Variants in BACH2 observed in about 807,000 individuals in gnomAD.
The protein encoded by BACH2 is transcription regulator protein BACH2.
Under a neutral mutation model 61.8 loss-of-function variants are expected in BACH2, and 5 were observed. The ratio of observed to expected loss-of-function variants is 0.08; its 90% CI spans 0.04 to 0.17. The LOEUF is 0.17. Ranked by LOEUF, BACH2 falls within the 10% of genes least tolerant of loss-of-function variation. The probability of loss-of-function intolerance (pLI) is 1.00; values close to 1 mark genes in which losing one functional copy is unlikely to be tolerated. For synonymous variants in BACH2, 446 were observed against 440.1 expected (o/e 1.01, Z -0.17); for missense variants, 824 against 1,091.1 (o/e 0.76, Z 3.45).
At chr6:89,981,354 G>C (rs2128363113) in intron 6 of BACH2, among the ~76,000 whole-genome samples, 1 of 152,100 alleles carries the variant, frequency 6.6e-6, no homozygotes, top group Non-Finnish European at 1.5e-5. Context: ...TGTTAGCCAG[G>C]ATGGTATCGA....
chr6:90,183,597 C>T (rs1469124696), intron 4 of BACH2, among the ~76,000 whole-genome samples: 1 of 152,186 alleles, frequency 6.6e-6, no homozygotes, highest in Non-Finnish European at 1.5e-5. Flanking sequence ...GCAGGAAAAG[C>T]ATTTGGCAAA....
intron 2 of BACH2, among the ~76,000 whole-genome samples, chr6:90,258,772 C>T (rs1218838347): frequency 6.6e-6 from 1 of 152,018 alleles, no homozygotes; most frequent in East Asian, 1.9e-4. Flanking sequence ...ACACATCTTT[C>T]ACATTGGTTG....
chr6:90,147,926 T>C (rs946230498), intron 4 of BACH2, among the ~76,000 whole-genome samples: 1 of 152,084 alleles, frequency 6.6e-6, no homozygotes, highest in Non-Finnish European at 1.5e-5. Flanking sequence ...ACATGCCAAA[T>C]TAAAACATTA....
At chr6:90,291,907 T>C (rs548066419) in intron 1 of BACH2, among the ~76,000 whole-genome samples, 3 of 152,340 alleles carry the variant, frequency 2.0e-5, no homozygotes, top group African/African-American at 4.8e-5. Context: ...ACTTCTGAAC[T>C]GTGAGTACCT....
At chr6:90,129,407 G>A (rs925096460) in intron 4 of BACH2, among the ~76,000 whole-genome samples, 6 of 152,082 alleles carry the variant, frequency 3.9e-5, no homozygotes, top group Admixed American at 2.6e-4. Flanking sequence ...GTGCCATGGC[G>A]GTTTGCTGCA....
At chr6:90,216,943 G>A (rs1008662496) in intron 3 of BACH2, among the ~76,000 whole-genome samples, 6 of 152,150 alleles carry the variant, frequency 3.9e-5, no homozygotes, top group African/African-American at 1.4e-4. Context: ...CTGAGATTGG[G>A]AAATCCTGAC....
At chr6:90,233,568 G>A (rs1373630690) in intron 3 of BACH2, among the ~76,000 whole-genome samples, 1 of 152,178 alleles carries the variant, frequency 6.6e-6, no homozygotes, top group Non-Finnish European at 1.5e-5. Context: ...TACCTCGCCT[G>A]ACAATTGGGA....
chr6:90,113,339 G>C (rs539561288), intron 4 of BACH2, among the ~76,000 whole-genome samples: 21 of 152,160 alleles, frequency 1.4e-4, no homozygotes, highest in African/African-American at 5.1e-4. Context: ...CTCTAAAATA[G>C]ACCACATAAT....
At chr6:90,096,441 CAT>C (rs760769483) in intron 4 of BACH2, among the ~76,000 whole-genome samples, 14 of 152,208 alleles carry the variant, frequency 9.2e-5, no homozygotes, top group South Asian at 2.1e-4. Flanking sequence ...CCAAAATCCA[CAT>C]GTTTATTTAC....
chr6:89,972,557 T>C (rs1393479638), intron 6 of BACH2, among the ~76,000 whole-genome samples: 1 of 152,212 alleles, frequency 6.6e-6, no homozygotes, highest in Non-Finnish European at 1.5e-5. Context: ...AGGAATTATG[T>C]ACAGGTTCCC....
intron 1 of BACH2, among the ~76,000 whole-genome samples, chr6:90,279,778 C>A (rs1462714201): frequency 5.3e-5 from 8 of 152,096 alleles, no homozygotes; most frequent in Admixed American, 3.3e-4. Context: ...TATTTTAAGT[C>A]ATTTAAGAAC....
intron 5 of BACH2, among the ~76,000 whole-genome samples, chr6:90,048,613 T>C (rs1470161927): frequency 1.3e-5 from 2 of 152,226 alleles, no homozygotes. Flanking sequence ...GAGGTAAACA[T>C]TTCTAAAATG....
intron 4 of BACH2, among the ~76,000 whole-genome samples, chr6:90,094,997 T>C (rs984917927): frequency 6.6e-5 from 10 of 152,226 alleles, no homozygotes; most frequent in African/African-American, 2.4e-4. Context: ...TTATCTTCTT[T>C]TTAAAAAGGT....
intron 5 of BACH2, chr6:90,063,025 C>T (rs1054550601): frequency 1.6e-6 from 1 of 638,472 alleles, no homozygotes; most frequent in Non-Finnish European, 1.9e-6. Flanking sequence ...TTTTAGTGTA[C>T]CTATTCTTTA....
chr6:89,989,875 G>A (rs186117730), intron 6 of BACH2, among the ~76,000 whole-genome samples: 156 of 152,332 alleles, frequency 1.0e-3, no homozygotes, highest in Non-Finnish European at 2.0e-3. Flanking sequence ...AGCTGCCAGA[G>A]CCTGCTCTTG....
At chr6:90,162,167 G>C (rs903407253) in intron 4 of BACH2, among the ~76,000 whole-genome samples, 1 of 152,282 alleles carries the variant, frequency 6.6e-6, no homozygotes, top group African/African-American at 2.4e-5. Context: ...ATACTGTCTT[G>C]TGCCTGGACA....
chr6:90,033,146 G>C (rs1264405774), intron 5 of BACH2, among the ~76,000 whole-genome samples: 1 of 151,586 alleles, frequency 6.6e-6, no homozygotes. Context: ...TCATAGGTGC[G>C]AATTGAACAA....
intron 1 of BACH2, among the ~76,000 whole-genome samples, chr6:90,293,481 C>T (rs1026355023): frequency 1.3e-5 from 2 of 152,126 alleles, no homozygotes; most frequent in African/African-American, 2.4e-5. Flanking sequence ...ACAGGAGCCT[C>T]GATTAGGAAT....
At chr6:90,245,998 C>G (rs1770623069) in intron 3 of BACH2, among the ~76,000 whole-genome samples, 2 of 152,152 alleles carry the variant, frequency 1.3e-5, no homozygotes, top group Admixed American at 6.5e-5. Flanking sequence ...GAGAAGCTAT[C>G]AAGGGAGGAG....
Sources: gnomAD v4.1 joint callset for allele counts (sites outside exome capture counted in the v4.1 genomes callset) on GRCh38, gnomAD v4.1.1 for gene constraint, MANE v1.5 for transcripts, NCBI Gene and HGNC (gene_info 2026-07-23, HGNC 2026-07-21) for gene names.